Variants in RPN2 observed in about 807,000 individuals in gnomAD.
RPN2 encodes the protein ribophorin II, also known as dolichyl-diphosphooligosaccharide--protein glycosyltransferase subunit 2.
RPN2 carries 29 observed loss-of-function variants against 71.4 expected under a neutral mutation model. The ratio of observed to expected loss-of-function variants is 0.41; its 90% confidence interval spans 0.30 to 0.55. RPN2 has a LOEUF of 0.55. Among genes scored for constraint, RPN2 ranks in the 20% least tolerant of loss-of-function variants. RPN2 has a pLI of 0.35. For synonymous variants in RPN2, 308 were observed against 305.0 expected (o/e 1.01, Z -0.10); for missense variants, 726 against 774.1 (o/e 0.94, Z 0.74).
intron 2 of RPN2, among the ~76,000 whole-genome samples, chr20:37,186,213 G>A (rs1259669037): frequency 1.3e-5 from 2 of 152,234 alleles, no homozygotes; most frequent in East Asian, 1.9e-4. Flanking sequence ...GAATTGTAAG[G>A]TCAGCTGACT....
chr20:37,199,364 G>C, intron 4 of RPN2, 139 bp downstream of exon 4: 1 of 1,082,972 alleles, frequency 9.2e-7, no homozygotes, highest in South Asian at 1.4e-5. Flanking sequence ...GCTCTGCAAG[G>C]CACCGCAGAC....
intron 8 of RPN2, among the ~76,000 whole-genome samples, chr20:37,212,438 G>C (rs1322796206): frequency 6.6e-6 from 1 of 151,872 alleles, no homozygotes; most frequent in East Asian, 1.9e-4. Context: ...AAAAATTAAG[G>C]GTCAATTTTT....
At chr20:37,239,449 A>G (rs1220740919) in intron 16 of RPN2, among the ~76,000 whole-genome samples, 2 of 152,180 alleles carry the variant, frequency 1.3e-5, no homozygotes, top group African/African-American at 4.8e-5. Flanking sequence ...CAAAGCCACA[A>G]AACCATCTAA....
chr20:37,189,311 CTG>C (rs748314418), intron 2 of RPN2, among the ~76,000 whole-genome samples: 2 of 115,186 alleles, frequency 1.7e-5, no homozygotes, highest in Non-Finnish European at 3.6e-5. Flanking sequence ...ATGGGCCAAA[CTG>C]TGTGTGTGTA....
At chr20:37,179,778 A>T (rs568597528) in intron 1 of RPN2, among the ~76,000 whole-genome samples, 61 of 152,250 alleles carry the variant, frequency 4.0e-4, no homozygotes, top group African/African-American at 1.4e-3. Flanking sequence ...GTAGTTTCCC[A>T]TTCAGTGAAA....
chr20:37,232,696 C>T (rs1010249086), intron 14 of RPN2, among the ~76,000 whole-genome samples: 3 of 152,114 alleles, frequency 2.0e-5, no homozygotes, highest in Non-Finnish European at 2.9e-5. Flanking sequence ...GTGAACAGAG[C>T]GAGATCCGAT....
intron 1 of RPN2, among the ~76,000 whole-genome samples, chr20:37,183,040 A>G (rs1171900979): frequency 3.3e-5 from 5 of 152,332 alleles, no homozygotes; most frequent in Non-Finnish European, 5.9e-5. Context: ...AGCAGTCTTT[A>G]TCCTCATGGA....
chr20:37,231,229 C>T (rs544569724), intron 13 of RPN2, among the ~76,000 whole-genome samples: 57 of 152,144 alleles, frequency 3.7e-4, no homozygotes, highest in African/African-American at 1.3e-3. Context: ...AGTGACTTCC[C>T]TTCTGGTCAC....
intron 9 of RPN2, among the ~76,000 whole-genome samples, chr20:37,214,086 G>A (rs2067747010): frequency 6.6e-6 from 1 of 152,142 alleles, no homozygotes; most frequent in Admixed American, 6.5e-5. Context: ...TTATTTGTAA[G>A]TTTTTCATTT....
chr20:37,209,993 A>C, intron 7 of RPN2, 54 bp from the exon 8 acceptor site: 2 of 1,605,592 alleles, frequency 1.2e-6, no homozygotes, highest in Non-Finnish European at 1.7e-6. Context: ...CAGAAACAAA[A>C]TTCTCTGCTC....
chr20:37,236,729 A>C lies in RPN2; in HGVS notation c.1883+20A>C. ...CAAGAGGTAAGGCCAGACATGAGCCAGGGATCTAGAGTAGGGTTAGAAATA... is the reference window on the plus strand; with the variant it reads ...CAAGAGGTAAGGCCAGACATGAGCCCGGGATCTAGAGTAGGGTTAGAAATA... On this transcript the variant is annotated intron_variant, in intron 16 of 16. Transcript: ENST00000237530. 1 of 1,612,846 alleles carries C rather than the reference A, an allele frequency of 6.2e-7. No individual in the cohort carries two copies. The highest frequency in any genetic ancestry group is 1.1e-5 in the South Asian group (1 of 91,070).
chr20:37,188,603 A>G (rs2067067855), intron 2 of RPN2, among the ~76,000 whole-genome samples: 3 of 139,454 alleles, frequency 2.2e-5, no homozygotes, highest in Admixed American at 7.7e-5. Flanking sequence ...GGCAGAATTG[A>G]TAGTCCCAAT....
chr20:37,231,539 T>C (rs971798958), intron 13 of RPN2, among the ~76,000 whole-genome samples: 1 of 151,924 alleles, frequency 6.6e-6, no homozygotes, highest in African/African-American at 2.4e-5. Context: ...AGTGAGACTC[T>C]GTCTCTACAA....
chr20:37,184,306 AT>A lies in RPN2; in HGVS notation c.143del (p.Leu48TrpfsTer85). Reference sequence around the variant, plus strand: ...GCCTCGCTGGATCGCCCTTTCACAAATTTGGAATCTGCCTTCTACTCCATCG... The same window carrying A: ...GCCTCGCTGGATCGCCCTTTCACAAATTGGAATCTGCCTTCTACTCCATCG... ...LKASLDRPFT[N>X]LESAFYSIVG... On this transcript the variant is annotated frameshift_variant, in exon 2 of 17. Transcript: ENST00000237530. LOFTEE classifies it high-confidence loss of function. 1 of 1,614,162 alleles carries A rather than the reference AT, an allele frequency of 6.2e-7. No homozygotes were observed. The highest frequency in any genetic ancestry group is 8.5e-7 in the Non-Finnish European group (1 of 1,180,028).
intron 1 of RPN2, among the ~76,000 whole-genome samples, chr20:37,182,052 A>G (rs1015319237): frequency 6.6e-6 from 1 of 151,898 alleles, no homozygotes; most frequent in South Asian, 2.1e-4. Context: ...TGATGAATAC[A>G]CCACGTGATA....
rs2066944828 is a variant in RPN2, at chr20:37,184,088, T to C, written c.14-92T>C. On this transcript the variant is annotated intron_variant, in intron 1 of 16. Transcript: ENST00000237530. ...TTCCCTCGCCCTTCCCCATGTGATTTGGTTCCCAGATCTTGGTGTGCATCA... is the reference window on the plus strand; with the variant it reads ...TTCCCTCGCCCTTCCCCATGTGATTCGGTTCCCAGATCTTGGTGTGCATCA... 4 of 1,471,114 alleles carry C rather than the reference T, an allele frequency of 2.7e-6. No individual in the cohort carries two copies. The South Asian group carries it at 4.6e-5, about 17-fold the overall frequency. 91.1% of individuals were successfully genotyped at this position (1,471,114 alleles called of 1,614,324 possible). A position where few individuals can be genotyped will look rare whatever the true frequency, so the allele number is the denominator to read the frequency against.
At chr20:37,211,157 C>T (rs1402918457) in intron 8 of RPN2, among the ~76,000 whole-genome samples, 1 of 151,878 alleles carries the variant, frequency 6.6e-6, no homozygotes, top group African/African-American at 2.4e-5. Flanking sequence ...GCCTTAGCTT[C>T]CCGAGTAGCT....
intron 6 of RPN2, among the ~76,000 whole-genome samples, chr20:37,206,438 A>G (rs548547580): frequency 1.3e-5 from 2 of 152,198 alleles, no homozygotes; most frequent in Admixed American, 1.3e-4. Flanking sequence ...GGAGACAAAC[A>G]GTCCTACATT....
At chr20:37,213,719 C>G in intron 8 of RPN2, 41 bp from the exon 9 acceptor site, 5 of 1,457,654 alleles carry the variant, frequency 3.4e-6, no homozygotes, top group Non-Finnish European at 4.8e-6. Context: ...CCATGACTTT[C>G]CTACCTGAGT....
Sources: allele counts gnomAD v4.1 joint callset (sites outside exome capture counted in the v4.1 genomes callset), GRCh38; gene constraint gnomAD v4.1.1; transcripts MANE v1.5; gene names NCBI Gene and HGNC (gene_info 2026-07-23, HGNC 2026-07-21).